Variants in PLCD3 observed in about 807,000 individuals in gnomAD.
The protein encoded by PLCD3 is phospholipase C delta 3.
Under a neutral mutation model 82.8 loss-of-function variants are expected in PLCD3, and 62 were observed. The ratio of observed to expected loss-of-function variants is 0.75; its 90% CI spans 0.61 to 0.93. The LOEUF is 0.93. Among genes scored for constraint, PLCD3 ranks in the 40% least tolerant of loss-of-function variants. The probability of loss-of-function intolerance (pLI) is 0.00; values close to 1 mark genes in which losing one functional copy is unlikely to be tolerated. For missense variants in PLCD3, 1,023 were observed against 1,103.4 expected, an observed-to-expected ratio of 0.93 and a Z score of 1.03; for synonymous variants, 478 against 471.8, an observed-to-expected ratio of 1.01 and a Z score of -0.17.
chr17:45,127,768 CAGTG>C (rs2054391812), intron 1 of PLCD3, among the ~76,000 whole-genome samples: 1 of 150,060 alleles, frequency 6.7e-6, no homozygotes, highest in Admixed American at 6.7e-5. Flanking sequence ...GTGCGTGAGA[CAGTG>C]TGTGTGTATG....
rs1190011052 is a variant in PLCD3 at position 45,113,002 on chromosome 17, G to T, written c.2142C>A (p.Pro714=). Residue 714 remains proline (P), a synonymous_variant, in exon 14 of 15, where the codon CCC becomes CCA. Transcript: ENST00000619929. ...GGAACTGCAGGGTCTGCCCCCAGCG[G>T]GGGTTGAAGCCTAGGGCACAGGGAT... The part of the protein sequence containing the change: ...TDYVLNNGFN[P]RWGQTLQFQL... 5.6e-6 allele frequency: 9 copies of T among 1,606,240 alleles called. No homozygotes were observed. The highest frequency in any genetic ancestry group is 1.7e-4 in the Middle Eastern group (1 of 6,042).
chr17:45,124,203 G>A (rs548152864), intron 1 of PLCD3, among the ~76,000 whole-genome samples: 5 of 152,308 alleles, frequency 3.3e-5, no homozygotes, highest in South Asian at 4.1e-4. Flanking sequence ...GACTAAGGCC[G>A]GAAATGGGGG....
chr17:45,124,495 GGTGCTTCTGTGTCCCCACTGCTC>G (rs2054366603), intron 1 of PLCD3, among the ~76,000 whole-genome samples: 3 of 152,220 alleles, frequency 2.0e-5, no homozygotes, highest in African/African-American at 7.2e-5. Flanking sequence ...TCCCTGGTTG[GGTGCTTCTGTGTCCCCACTGCTC>G]GTGCTTCTGA....
At chr17:45,128,476 G>A (rs1425313023) in intron 1 of PLCD3, among the ~76,000 whole-genome samples, 1 of 152,250 alleles carries the variant, frequency 6.6e-6, no homozygotes, top group Non-Finnish European at 1.5e-5. Context: ...GCTGGGGGTT[G>A]TTCTGAAGAC....
rs1392926627 is a variant in PLCD3, at chr17:45,121,316, T to C, written c.220A>G (p.Ile74Val). ...AMLRGSRLRKIRSRTWHKERL... is the reference protein window; with the variant it reads ...AMLRGSRLRKVRSRTWHKERL... ...TCCTTGTGCCACGTGCGCGAGCGGA[T>C]CTTGCGGAGCCGGGAGCCCCGCAGC... is the stretch of plus-strand genomic sequence containing the variant. The change falls in exon 2 of 15, where the codon ATC (isoleucine) becomes GTC (valine). Residue 74 changes from isoleucine to valine, a missense_variant. Physicochemically the swap from Ile to Val is conservative, Grantham distance 29. Around this residue, in one of 3 missense-constraint regions of PLCD3, gnomAD observed 448 missense variants for 406.3 expected, o/e 1.10. Transcript: ENST00000619929. 3 of 1,566,432 alleles carry C rather than the reference T, an allele frequency of 1.9e-6. No homozygotes were observed. Among genetic ancestry groups the C allele is most frequent in the Admixed American group, 3.6e-5 (2 of 55,106 alleles).
At chr17:45,117,879 A>G in intron 7 of PLCD3, 115 bp downstream of exon 7, 2 of 1,389,580 alleles carry the variant, frequency 1.4e-6, no homozygotes, top group Non-Finnish European at 1.9e-6. Flanking sequence ...TGGTGAATGA[A>G]TGATTCTCTG....
chr17:45,112,608 G>T lies in PLCD3; in HGVS notation c.*8C>A, dbSNP rs763952935. 1.9e-6 allele frequency: 3 copies of T among 1,593,078 alleles called. No homozygotes were observed. The highest frequency in any genetic ancestry group is 2.6e-6 in the Non-Finnish European group (3 of 1,170,066). On this transcript the variant is annotated 3_prime_UTR_variant, in exon 15 of 15. Transcript: ENST00000619929. ...CTCGCAGAACCCCAAGGCGAGTGAG[G>T]TGGGCCCTCAGGAGCGCTGGATGCG...
chr17:45,121,051 T>C lies in PLCD3; in HGVS notation c.405A>G (p.Pro135=), dbSNP rs368044877. ...TGAAGGCGATGGTGAGGCAGCGCGC[T>C]GGCGCGAAGGCACCCCCGAAGCGCC... ...GLRRFGGAFA[P]ARCLTIAFKG... is the part of the protein sequence containing the mutation. Residue 135 remains proline (P), a synonymous_variant, in exon 3 of 15, where the codon CCA becomes CCG. Coordinates refer to ENST00000619929, the MANE Select transcript of PLCD3 (RefSeq NM_133373.5). The C allele has an allele frequency of 3.8e-4, 582 of 1,540,498 alleles. No homozygotes were observed. In the African/African-American group the frequency reaches 6.8e-3, roughly 18 times the overall value.
At position 45,118,269 on chromosome 17, in the gene PLCD3, C is replaced by T. The variant is rs374403103; in HGVS notation, c.1115+22G>A. The T allele has an allele frequency of 1.3e-5, 21 of 1,613,730 alleles. No homozygotes were observed. The highest frequency in any genetic ancestry group is 1.8e-5 in the Non-Finnish European group (21 of 1,179,710). On this transcript the variant is annotated intron_variant, in intron 6 of 14. Coordinates refer to ENST00000619929, the MANE Select transcript of PLCD3 (RefSeq NM_133373.5). This position sits in a 1 kb window ranked among gnomAD's most constrained non-coding sequence, Gnocchi z 4.1. ...TCTCCCCAGGTGGGGCTCCCGGAAA[C>T]ATTCACCCCCTGCTACAGTACCTAA...
rs764133484 is a variant in PLCD3 at position 45,115,500 on chromosome 17, C to T, written c.1414-10G>A. The T allele has an allele frequency of 6.2e-7, 1 of 1,603,320 alleles. No individual in the cohort carries two copies. On this transcript the variant is annotated splice_polypyrimidine_tract_variant and intron_variant, in intron 8 of 14. Transcript: ENST00000619929. ...CCCGGCCCTTCAGCTGCTGTGGGGG[C>T]CAACGTGGAGGATGAAGGGTTAGGC...
intron 11 of PLCD3, 64 bp from the exon 12 acceptor site, chr17:45,113,669 G>A: frequency 1.3e-6 from 2 of 1,522,828 alleles, no homozygotes; most frequent in Non-Finnish European, 8.9e-7. Context: ...CTCAGTTTCA[G>A]GGGACTGCAT....
At position 45,118,164 on chromosome 17, in the gene PLCD3, G is replaced by A. The variant is rs745857379; in HGVS notation, c.1116-26C>T. On this transcript the variant is annotated intron_variant, in intron 6 of 14. Transcript: ENST00000619929. The surrounding 1 kb of genome is among the most constrained non-coding windows in gnomAD (Gnocchi z 4.1). Reference sequence around the variant, plus strand: ...CTGTGTGTGGACAGATGGGTGGACGGGCAAGGTGTTGCCAGAGTGCCACAG... The same window carrying A: ...CTGTGTGTGGACAGATGGGTGGACGAGCAAGGTGTTGCCAGAGTGCCACAG... 1 of 1,613,814 alleles carries A rather than the reference G, an allele frequency of 6.2e-7. No individual in the cohort carries two copies. The highest frequency in any genetic ancestry group is 2.2e-5 in the East Asian group (1 of 44,882).
At position 45,113,431 on chromosome 17, in the gene PLCD3, C is replaced by T. The variant is rs897393854; in HGVS notation, c.1995+8G>A. 6 of 1,587,528 alleles carry T rather than the reference C, an allele frequency of 3.8e-6. No individual in the cohort carries two copies. The African/African-American group carries it at 8.1e-5, about 21-fold the overall frequency. On this transcript the variant is annotated splice_region_variant and intron_variant, in intron 12 of 14. Coordinates refer to ENST00000619929, the MANE Select transcript of PLCD3 (RefSeq NM_133373.5). ...ACCCCACACTGGGGCCCGTTCCAGC[C>T]TGCTGACCTGGATGCTGAGAGTGGT...
intron 8 of PLCD3, 115 bp from the exon 9 acceptor site, chr17:45,115,605 A>C (rs1598028671): frequency 1.1e-6 from 1 of 912,170 alleles, no homozygotes; most frequent in African/African-American, 1.6e-5. Flanking sequence ...GGGAGGCAGG[A>C]AAGGAGACAC....
chr17:45,128,223 C>G (rs896909558), intron 1 of PLCD3, among the ~76,000 whole-genome samples: 1 of 152,218 alleles, frequency 6.6e-6, no homozygotes, highest in African/African-American at 2.4e-5. Flanking sequence ...TCAGGAAAGG[C>G]AGGCGGTGCT....
intron 1 of PLCD3, among the ~76,000 whole-genome samples, chr17:45,123,571 A>T (rs188866779): frequency 6.6e-6 from 1 of 152,170 alleles, no homozygotes; most frequent in Admixed American, 6.5e-5. Flanking sequence ...CGCAGGGCAG[A>T]GGCCTCGCAG....
At chr17:45,127,942 A>T (rs1184884744) in intron 1 of PLCD3, among the ~76,000 whole-genome samples, 1 of 152,088 alleles carries the variant, frequency 6.6e-6, no homozygotes, top group African/African-American at 2.4e-5. Flanking sequence ...CATGCAGGGA[A>T]CTGCTACAGC....
rs1477387533 is a variant in PLCD3 at position 45,108,982 on chromosome 17, C to G, written c.*3634G>C. ...CATTGTTGTTCTGCTCAATACATCT[C>G]ACTTGTTTCTAATAAAGAAAGCAGC... On this transcript the variant is annotated 3_prime_UTR_variant, in exon 15 of 15. Coordinates refer to ENST00000619929, the MANE Select transcript of PLCD3 (RefSeq NM_133373.5). 6.6e-6 allele frequency: 1 copy of G among 152,632 alleles called. No individual in the cohort carries two copies. The highest frequency in any genetic ancestry group is 2.4e-5 in the African/African-American group (1 of 41,434). 9.5% of individuals were successfully genotyped at this position (152,632 alleles called of 1,614,324 possible). A position where few individuals can be genotyped will look rare whatever the true frequency, so the allele number is the denominator to read the frequency against.
chr17:45,127,685 C>T (rs902491704), intron 1 of PLCD3, among the ~76,000 whole-genome samples: 6 of 151,980 alleles, frequency 3.9e-5, no homozygotes, highest in South Asian at 2.1e-4. Context: ...TCTGTCCAGG[C>T]GTGTCCCGGA....
Sources: allele counts gnomAD v4.1 joint callset (sites outside exome capture counted in the v4.1 genomes callset), GRCh38; gene constraint gnomAD v4.1.1; regional missense constraint gnomAD v4.1.1; non-coding constraint Gnocchi (gnomAD v3.1); transcripts MANE v1.5; gene names NCBI Gene and HGNC (gene_info 2026-07-23, HGNC 2026-07-21).